Variants in TATDN2 observed in about 807,000 individuals in gnomAD.
The protein encoded by TATDN2 is 3'-5' RNA nuclease TATDN2.
In TATDN2, 44 loss-of-function variants were observed where a neutral mutation model predicts 60.3. That is an observed-to-expected ratio of 0.73 (90% CI 0.57 to 0.94). The LOEUF is 0.94. Ranked by LOEUF, TATDN2 falls within the 40% of genes least tolerant of loss-of-function variation. The pLI is 0.00. For missense variants in TATDN2, 997 were observed against 948.0 expected (o/e 1.05, Z -0.68); for synonymous variants, 399 against 355.8 (o/e 1.12, Z -1.37).
intron 3 of TATDN2, among the ~76,000 whole-genome samples, chr3:10,265,477 C>T (rs762294651): frequency 1.3e-5 from 2 of 151,140 alleles, no homozygotes; most frequent in South Asian, 2.1e-4. Flanking sequence ...GTCAGGAGAT[C>T]GAGACCATCC....
In TATDN2 at chr3:10,279,077, C is replaced by T. The variant is rs1482073531; in HGVS notation, c.*38+14C>T. ...CTCCTAGAAAAGGTCGTAAAACTCACATTCTGTATTTTTTAAAAACCAGGA... is the reference window on the plus strand; with the variant it reads ...CTCCTAGAAAAGGTCGTAAAACTCATATTCTGTATTTTTTAAAAACCAGGA... On this transcript the variant is annotated intron_variant, in intron 7 of 7. Coordinates refer to ENST00000448281, the MANE Select transcript of TATDN2 (RefSeq NM_014760.4). 6.3e-7 allele frequency: 1 copy of T among 1,577,694 alleles called. No individual in the cohort carries two copies. Among genetic ancestry groups the T allele is most frequent in the East Asian group, 2.2e-5 (1 of 44,446 alleles).
intron 4 of TATDN2, among the ~76,000 whole-genome samples, chr3:10,273,802 T>C (rs1263029938): frequency 6.6e-6 from 1 of 152,218 alleles, no homozygotes; most frequent in Non-Finnish European, 1.5e-5. Context: ...ACGTTTTCTT[T>C]GTTGATCTGT....
rs182029447 is a variant in TATDN2, at chr3:10,255,916, C to T, written c.415-4221C>T. Among the ~76,000 whole-genome samples the T allele has an allele frequency of 4.7e-3, 711 of 152,294 alleles. 7 individuals carry two copies. Among genetic ancestry groups the T allele is most frequent in the African/African-American group, 0.015 (614 of 41,576 alleles). On this transcript the variant is annotated intron_variant, in intron 2 of 7. Transcript: ENST00000448281. ...TGAGATGGCGCCACTGTACTCCGGC[C>T]TGGGCGACAGAGTGAGACTGTCTCA... is the stretch of plus-strand genomic sequence containing the variant.
At position 10,278,408 on chromosome 3, in the gene TATDN2, C is replaced by G. The variant is rs1297850069; in HGVS notation, c.2091C>G (p.Ile697Met). Reference protein sequence around the residue: ...AWEAREALRQIPLERIIVETD... With the variant: ...AWEAREALRQMPLERIIVETD... ...AGGCCCGGGAAGCCTTGAGGCAGAT[C>G]CCACTGGAGAGAATCATCGTGGAAA... The change falls in exon 6 of 8, where the codon ATC becomes ATG. Residue 697 changes from isoleucine to methionine, a missense_variant. Coordinates refer to ENST00000448281, the MANE Select transcript of TATDN2 (RefSeq NM_014760.4). The surrounding 1 kb of genome is among the most constrained non-coding windows in gnomAD (Gnocchi z 4.7). 2 of 1,614,128 alleles carry G rather than the reference C, an allele frequency of 1.2e-6. No individual in the cohort carries two copies. The highest frequency in any genetic ancestry group is 2.2e-5 in the East Asian group (1 of 44,888).
chr3:10,260,345 C>G lies in TATDN2; in HGVS notation c.623C>G (p.Thr208Ser). Residue 208 changes from threonine to serine, a missense_variant, in exon 3 of 8, where the codon ACT becomes AGT. Thr to Ser is a moderately conservative substitution (Grantham distance 58). Coordinates refer to ENST00000448281, the MANE Select transcript of TATDN2 (RefSeq NM_014760.4). The part of the protein sequence containing the change: ...SMPKRKGEAA[T>S]RAKPSAAEHP... ...CCAAAAAGGAAGGGAGAGGCTGCCA[C>G]TCGGGCAAAACCAAGCGCAGCAGAG... 6.2e-7 allele frequency: 1 copy of G among 1,614,176 alleles called. No individual in the cohort carries two copies. The highest frequency in any genetic ancestry group is 8.5e-7 in the Non-Finnish European group (1 of 1,180,028).
intron 3 of TATDN2, among the ~76,000 whole-genome samples, chr3:10,261,456 C>T (rs959103278): frequency 1.3e-4 from 19 of 151,648 alleles, no homozygotes; most frequent in Non-Finnish European, 7.4e-5. Flanking sequence ...CTGCAACCTC[C>T]ACCTCCTGGG....
chr3:10,249,100 T>C (rs79908478), intron 1 of TATDN2, 33 bp downstream of exon 1: 10 of 1,417,444 alleles, frequency 7.1e-6, no homozygotes, highest in Non-Finnish European at 7.5e-6. Context: ...TCTGCCCTTA[T>C]GTCTTGCCGT....
At chr3:10,264,791 G>A (rs1315674487) in intron 3 of TATDN2, among the ~76,000 whole-genome samples, 2 of 151,466 alleles carry the variant, frequency 1.3e-5, no homozygotes, top group Middle Eastern at 3.2e-3. Context: ...CGATTCTCCC[G>A]CCTCAGACCC....
In TATDN2 at chr3:10,260,252, G is replaced by T; in HGVS notation, c.530G>T (p.Arg177Ile). The T allele has an allele frequency of 6.2e-7, 1 of 1,614,170 alleles. No homozygotes were observed. The highest frequency in any genetic ancestry group is 1.1e-5 in the South Asian group (1 of 91,076). ...AAGGTCCAGAAAAGGAAGAGGGATAGACTTCGAGACCAGGGCTCCACAATG... is the reference window on the plus strand; with the variant it reads ...AAGGTCCAGAAAAGGAAGAGGGATATACTTCGAGACCAGGGCTCCACAATG... Reference protein sequence around the residue: ...PNKVQKRKRDRLRDQGSTMIY... With the variant: ...PNKVQKRKRDILRDQGSTMIY... Residue 177 changes from arginine (R) to isoleucine (I), a missense_variant, in exon 3 of 8, where the codon AGA (arginine) becomes ATA (isoleucine). Physicochemically the swap from Arg to Ile is moderately conservative, Grantham distance 97. Coordinates refer to ENST00000448281, the MANE Select transcript of TATDN2 (RefSeq NM_014760.4).
chr3:10,278,458 G>C lies in TATDN2; in HGVS notation c.2141G>C (p.Arg714Pro). 1 of 1,611,138 alleles carries C rather than the reference G, an allele frequency of 6.2e-7. No homozygotes were observed. Among genetic ancestry groups the C allele is most frequent in the Non-Finnish European group, 8.5e-7 (1 of 1,177,732 alleles). Residue 714 changes from arginine to proline, a missense_variant, in exon 6 of 8, where the codon CGC (arginine) becomes CCC (proline). Physicochemically the swap from Arg to Pro is moderately radical, Grantham distance 103. Coordinates refer to ENST00000448281, the MANE Select transcript of TATDN2 (RefSeq NM_014760.4). This position sits in a 1 kb window ranked among gnomAD's most constrained non-coding sequence, Gnocchi z 4.7. ...ACGGATGCTCCCTATTTCCTCCCTC[G>C]CCAGGTAAGGGGGTCTTCAGGCTGA... ...VETDAPYFLP[R>P]QVPKSLCQYA...
chr3:10,261,100 T>G (rs1471535823), intron 3 of TATDN2, among the ~76,000 whole-genome samples: 2 of 152,166 alleles, frequency 1.3e-5, no homozygotes, highest in Non-Finnish European at 2.9e-5. Context: ...ATCTGGGCAT[T>G]CTGGCCAGTG....
At chr3:10,258,136 G>A (rs1239786968) in intron 2 of TATDN2, among the ~76,000 whole-genome samples, 3 of 151,182 alleles carry the variant, frequency 2.0e-5, no homozygotes, top group East Asian at 1.9e-4. Flanking sequence ...TAGCCACCGC[G>A]CCCAGCTAGG....
chr3:10,260,213 T>C lies in TATDN2; in HGVS notation c.491T>C (p.Ile164Thr). Residue 164 changes from isoleucine to threonine, a missense_variant, in exon 3 of 8, where the codon ATT becomes ACT. By Grantham distance (89) the Ile-to-Thr change is moderately conservative. Coordinates refer to ENST00000448281, the MANE Select transcript of TATDN2 (RefSeq NM_014760.4). The part of the protein sequence containing the change: ...AAEAEGQNDT[I>T]EEPNKVQKRK... ...GAAGCTGAGGGTCAGAATGATACAA[T>C]TGAGGAACCCAACAAGGTCCAGAAA... 2 of 1,613,996 alleles carry C rather than the reference T, an allele frequency of 1.2e-6. No individual in the cohort carries two copies. The highest frequency in any genetic ancestry group is 1.7e-6 in the Non-Finnish European group (2 of 1,180,002).
chr3:10,277,957 C>T (rs754185726), intron 5 of TATDN2, among the ~76,000 whole-genome samples: 18 of 152,012 alleles, frequency 1.2e-4, no homozygotes, highest in Non-Finnish European at 2.2e-4. Flanking sequence ...TCATAGGGGC[C>T]ACAGTTGTTG....
At chr3:10,256,365 G>A (rs1197917571) in intron 2 of TATDN2, among the ~76,000 whole-genome samples, 1 of 151,958 alleles carries the variant, frequency 6.6e-6, no homozygotes, top group Non-Finnish European at 1.5e-5. Flanking sequence ...TTGTACAGAT[G>A]GGGTCTTGCT....
At chr3:10,252,147 C>CAAAA (rs35469402) in intron 2 of TATDN2, among the ~76,000 whole-genome samples, 3 of 63,268 alleles carry the variant, frequency 4.7e-5, no homozygotes, top group African/African-American at 1.1e-4. Context: ...GACTCAGTCT[C>CAAAA]AAAAAAAAAA....
chr3:10,266,075 T>C (rs1329773648), intron 3 of TATDN2, among the ~76,000 whole-genome samples: 2 of 152,240 alleles, frequency 1.3e-5, no homozygotes, highest in Non-Finnish European at 2.9e-5. Context: ...TATCTGTGAA[T>C]AGCATCCAAT....
chr3:10,263,144 C>G (rs1034931579), intron 3 of TATDN2, among the ~76,000 whole-genome samples: 1 of 151,912 alleles, frequency 6.6e-6, no homozygotes, highest in Non-Finnish European at 1.5e-5. Flanking sequence ...CATGATCCGC[C>G]CGGCTCAGCC....
chr3:10,272,672 C>T (rs1239980309), intron 4 of TATDN2, among the ~76,000 whole-genome samples: 9 of 152,104 alleles, frequency 5.9e-5, no homozygotes, highest in Admixed American at 5.9e-4. Flanking sequence ...GGCGGATCAC[C>T]TGAGGCCAGG....
Sources: allele counts gnomAD v4.1 joint callset (sites outside exome capture counted in the v4.1 genomes callset), GRCh38; gene constraint gnomAD v4.1.1; non-coding constraint Gnocchi (gnomAD v3.1); transcripts MANE v1.5; gene names NCBI Gene and HGNC (gene_info 2026-07-23, HGNC 2026-07-21).